SLC23A2: variants seen among roughly 807,000 people sequenced by gnomAD.
The protein encoded by SLC23A2 is solute carrier family 23 member 2, also known as Na(+)/L-ascorbic acid transporter 2.
Under a neutral mutation model 73.3 loss-of-function variants are expected in SLC23A2, and 36 were observed. The observed-to-expected ratio is 0.49, with a 90% confidence interval of 0.38 to 0.65. The LOEUF (loss-of-function observed/expected upper bound fraction) is 0.65, where lower values mean the gene tolerates loss of function less well. Among genes scored for constraint, SLC23A2 ranks in the 30% least tolerant of loss-of-function variants. The probability of loss-of-function intolerance (pLI) is 0.00; values close to 1 mark genes in which losing one functional copy is unlikely to be tolerated. For missense variants in SLC23A2, 507 were observed against 841.6 expected (o/e 0.60, Z 4.92); for synonymous variants, 343 against 327.3 (o/e 1.05, Z -0.52).
rs143569416 is a variant in SLC23A2, at chr20:4,957,549, C to A, written c.-155+13244G>T. 2.0e-3 allele frequency among the ~76,000 whole-genome samples: 298 copies of A among 150,854 alleles called. 1 individual carries two copies. The highest frequency in any genetic ancestry group is 6.6e-3 in the African/African-American group (269 of 41,034). ...GAGGAAAAAACTTTGATGGTCTTATCCCAGCATGTCAGAGCAGCTAAAACT... is the reference window on the plus strand; with the variant it reads ...GAGGAAAAAACTTTGATGGTCTTATACCAGCATGTCAGAGCAGCTAAAACT... On this transcript the variant is annotated intron_variant, in intron 2 of 16. Coordinates refer to ENST00000338244, the MANE Select transcript of SLC23A2 (RefSeq NM_005116.6).
At chr20:4,925,181 A>C (rs911279685) in intron 3 of SLC23A2, among the ~76,000 whole-genome samples, 1 of 135,360 alleles carries the variant, frequency 7.4e-6, no homozygotes, top group Admixed American at 7.3e-5. Context: ...AGACTCTGTC[A>C]AAAAAAAAAA....
At position 4,883,846 on chromosome 20, in the gene SLC23A2, C is replaced by T. The variant is rs1285858997; in HGVS notation, c.643-23G>A. On this transcript the variant is annotated intron_variant, in intron 8 of 16. Coordinates refer to ENST00000338244, the MANE Select transcript of SLC23A2 (RefSeq NM_005116.6). This position sits in a 1 kb window ranked among gnomAD's most constrained non-coding sequence, Gnocchi z 4.5. ...GATCTGCAACAAGAGATGGCACAGA[C>T]ATGAGAGTGAGCTGCTTGTACACTG... 1 of 1,576,440 alleles carries T rather than the reference C, an allele frequency of 6.3e-7. No homozygotes were observed. Among genetic ancestry groups the T allele is most frequent in the Non-Finnish European group, 8.7e-7 (1 of 1,155,138 alleles).
intron 2 of SLC23A2, among the ~76,000 whole-genome samples, chr20:4,958,448 C>G (rs1397284243): frequency 6.6e-6 from 1 of 152,196 alleles, no homozygotes; most frequent in Non-Finnish European, 1.5e-5. Flanking sequence ...TTTTAACATA[C>G]ATTTTCCAGA....
In SLC23A2 at chr20:4,899,413, TG is replaced by T; in HGVS notation, c.482+141del. ...AATGACTGGGAGGAACACTGAGGGG[TG>T]GGGACCAACGGCCACTAGGACATTC... is the stretch of plus-strand genomic sequence containing the variant. On this transcript the variant is annotated intron_variant, in intron 6 of 16. Coordinates refer to ENST00000338244, the MANE Select transcript of SLC23A2 (RefSeq NM_005116.6). The surrounding 1 kb of genome is among the most constrained non-coding windows in gnomAD (Gnocchi z 4.9). 2.3e-6 allele frequency: 2 copies of T among 873,428 alleles called. No homozygotes were observed. The highest frequency in any genetic ancestry group is 3.7e-6 in the Non-Finnish European group (2 of 541,572). The allele number at this position is 873,428 out of a possible 1,614,324, so 54.1% of individuals were successfully genotyped here.
At chr20:4,909,694 C>T (rs1932076605) in intron 4 of SLC23A2, among the ~76,000 whole-genome samples, 2 of 152,122 alleles carry the variant, frequency 1.3e-5, no homozygotes, top group Admixed American at 1.3e-4. Flanking sequence ...GCTGGGATTA[C>T]AGGCGAATGT....
intron 2 of SLC23A2, among the ~76,000 whole-genome samples, chr20:4,953,626 C>T (rs1568640071): frequency 1.3e-5 from 2 of 152,032 alleles, no homozygotes; most frequent in South Asian, 2.1e-4. Flanking sequence ...CAGTGGCTCA[C>T]GTCTGTAATC....
intron 1 of SLC23A2, among the ~76,000 whole-genome samples, chr20:5,008,164 C>T (rs1169035779): frequency 6.6e-6 from 1 of 152,140 alleles, no homozygotes; most frequent in Non-Finnish European, 1.5e-5. Flanking sequence ...CCTGCCTTGG[C>T]CTCCCAAAGT....
At chr20:4,958,350 A>C (rs1168419970) in intron 2 of SLC23A2, among the ~76,000 whole-genome samples, 1 of 152,166 alleles carries the variant, frequency 6.6e-6, no homozygotes, top group East Asian at 1.9e-4. Context: ...ATTAAATCTT[A>C]TTTAAAGCCT....
intron 1 of SLC23A2, among the ~76,000 whole-genome samples, chr20:4,997,555 G>A (rs1290704312): frequency 6.6e-6 from 1 of 152,170 alleles, no homozygotes; most frequent in Non-Finnish European, 1.5e-5. Context: ...CAATGTGGCT[G>A]TATTTAGAGA....
chr20:4,893,945 T>C (rs1931426680), intron 6 of SLC23A2, among the ~76,000 whole-genome samples: 1 of 151,994 alleles, frequency 6.6e-6, no homozygotes, highest in Non-Finnish European at 1.5e-5. Context: ...GGCAGGGTCT[T>C]GGAGGGCCCT....
At chr20:4,880,987 C>T (rs113001267) in intron 9 of SLC23A2, among the ~76,000 whole-genome samples, 1,955 of 152,232 alleles carry the variant, frequency 0.013, 51 homozygotes, top group African/African-American at 0.045. Flanking sequence ...CAGAGGGTGG[C>T]GGCAGTGAAG....
intron 1 of SLC23A2, among the ~76,000 whole-genome samples, chr20:4,985,486 T>C (rs1423514133): frequency 6.6e-6 from 1 of 151,966 alleles, no homozygotes; most frequent in Non-Finnish European, 1.5e-5. Flanking sequence ...CTCGCTCTAT[T>C]GCCCAGGCTG....
rs1478229823 is a variant in SLC23A2 at position 4,912,982 on chromosome 20, C to A, written c.109-4G>T. On this transcript the variant is annotated splice_polypyrimidine_tract_variant and splice_region_variant and intron_variant, in intron 3 of 16. Coordinates refer to ENST00000338244, the MANE Select transcript of SLC23A2 (RefSeq NM_005116.6). ...TGGCGCCTCCATTTATCACCACCTGCAGAGACAATCCACTTAGAGGCTGTT... is the reference window on the plus strand; with the variant it reads ...TGGCGCCTCCATTTATCACCACCTGAAGAGACAATCCACTTAGAGGCTGTT... 1.3e-6 allele frequency: 2 copies of A among 1,595,608 alleles called. No homozygotes were observed. The highest frequency in any genetic ancestry group is 1.7e-6 in the Non-Finnish European group (2 of 1,164,120).
At chr20:4,935,123 T>C (rs4815756) in intron 2 of SLC23A2, among the ~76,000 whole-genome samples, 2,125 of 141,266 alleles carry the variant, frequency 0.015, 23 homozygotes, top group Non-Finnish European at 0.023. Flanking sequence ...GGAGGCGGAG[T>C]TTGCAGTGAG....
intron 1 of SLC23A2, among the ~76,000 whole-genome samples, chr20:4,972,200 T>G (rs890042143): frequency 1.1e-4 from 16 of 152,198 alleles, no homozygotes; most frequent in African/African-American, 3.9e-4. Flanking sequence ...TAGCCAGATT[T>G]TCACTGGAAA....
chr20:4,996,701 A>AAC (rs1426862066), intron 1 of SLC23A2, among the ~76,000 whole-genome samples: 1 of 80,882 alleles, frequency 1.2e-5, no homozygotes, highest in African/African-American at 3.2e-5. Context: ...AAAAAAAAAA[A>AAC]AAAAAAAACA....
intron 3 of SLC23A2, among the ~76,000 whole-genome samples, chr20:4,924,767 C>T (rs180923523): frequency 1.1e-4 from 17 of 152,374 alleles, no homozygotes; most frequent in Non-Finnish European, 2.1e-4. Context: ...TGCAGCCTTT[C>T]CTGGCCGCCT....
intron 4 of SLC23A2, among the ~76,000 whole-genome samples, chr20:4,909,319 T>C (rs1932063794): frequency 6.6e-6 from 1 of 152,150 alleles, no homozygotes; most frequent in Non-Finnish European, 1.5e-5. Context: ...AAATTTCAGA[T>C]ATTGGAACAT....
At chr20:4,887,982 T>G (rs1173033582) in intron 6 of SLC23A2, among the ~76,000 whole-genome samples, 1 of 152,170 alleles carries the variant, frequency 6.6e-6, no homozygotes, top group Non-Finnish European at 1.5e-5. Flanking sequence ...TTTTAGGTGC[T>G]TGCCCAGTGT....
Sources: allele counts gnomAD v4.1 joint callset (sites outside exome capture counted in the v4.1 genomes callset), GRCh38; gene constraint gnomAD v4.1.1; non-coding constraint Gnocchi (gnomAD v3.1); transcripts MANE v1.5; gene names NCBI Gene and HGNC (gene_info 2026-07-23, HGNC 2026-07-21).